The following MTMR3 variants were observed in gnomAD, a reference collection of about 807,000 sequenced individuals.
The protein encoded by MTMR3 is myotubularin related protein 3, also known as phosphatidylinositol-3,5-bisphosphate 3-phosphatase MTMR3.
In MTMR3, 32 loss-of-function variants were observed where a neutral mutation model predicts 132.4. The ratio of observed to expected loss-of-function variants is 0.24; its 90% CI spans 0.18 to 0.32. MTMR3 has a LOEUF of 0.32. Ranked by LOEUF, MTMR3 falls within the 10% of genes least tolerant of loss-of-function variation. The probability of loss-of-function intolerance (pLI) is 1.00; values close to 1 mark genes in which losing one functional copy is unlikely to be tolerated. For missense variants in MTMR3, 1,216 were observed against 1,489.6 expected (o/e 0.82, Z 3.02); for synonymous variants, 556 against 550.3 (o/e 1.01, Z -0.14).
chr22:29,884,966 G>A (rs1260938541), intron 1 of MTMR3, among the ~76,000 whole-genome samples: 1 of 152,044 alleles, frequency 6.6e-6, no homozygotes, highest in Non-Finnish European at 1.5e-5. Flanking sequence ...ACCTCTTTTG[G>A]CTCCAATTAC....
At position 29,970,985 on chromosome 22, in the gene MTMR3, T is replaced by G; in HGVS notation, c.-75T>G. 1 of 489,984 alleles carries G rather than the reference T, an allele frequency of 2.0e-6. No individual in the cohort carries two copies. Among genetic ancestry groups the G allele is most frequent in the African/African-American group, 2.2e-5 (1 of 44,536 alleles). 30.4% of individuals were successfully genotyped at this position (489,984 alleles called of 1,614,324 possible). A position where few individuals can be genotyped will look rare whatever the true frequency, so the allele number is the denominator to read the frequency against. ...TCCCCCCCACCCCCAGACTTCACCATAAGGGAAAGAAGAGAGCCTTGTTGG... is the reference window on the plus strand; with the variant it reads ...TCCCCCCCACCCCCAGACTTCACCAGAAGGGAAAGAAGAGAGCCTTGTTGG... On this transcript the variant is annotated 5_prime_UTR_variant, in exon 3 of 20. Transcript: ENST00000401950.
Position 30,020,007 on chromosome 22 carries a change from C to A in MTMR3, c.2348C>A (p.Pro783His). 6.2e-7 allele frequency: 1 copy of A among 1,614,176 alleles called. No individual in the cohort carries two copies. Among genetic ancestry groups the A allele is most frequent in the African/African-American group, 1.3e-5 (1 of 75,042 alleles). The change falls in exon 17 of 20, where the codon CCC (proline) becomes CAC (histidine). Residue 783 changes from proline to histidine, a missense_variant. Coordinates refer to ENST00000401950, the MANE Select transcript of MTMR3 (RefSeq NM_021090.4). ...SVLLSSLQVP[P>H]RGEDSLEVPV... Reference sequence around the variant, plus strand: ...CTCCTCAGTTCTCTCCAGGTCCCCCCCAGGGGAGAGGATTCCCTGGAGGTC... The same window carrying A: ...CTCCTCAGTTCTCTCCAGGTCCCCCACAGGGGAGAGGATTCCCTGGAGGTC...
chr22:29,883,723 C>T (rs2064602301), intron 1 of MTMR3, among the ~76,000 whole-genome samples: 1 of 152,188 alleles, frequency 6.6e-6, no homozygotes, highest in Non-Finnish European at 1.5e-5. Context: ...CCCACGAACT[C>T]CCGGGAGGTG....
intron 19 of MTMR3, chr22:30,023,474 A>G: frequency 5.0e-6 from 8 of 1,614,150 alleles, no homozygotes; most frequent in Non-Finnish European, 6.8e-6. Context: ...GACCGTGTTG[A>G]TCAAACGTGG....
rs5844883 is a variant in MTMR3, at chr22:29,947,502, TAA to T, written c.-137-9523_-137-9522del. ...AGTTAATTTAGCCAGTATGCTAAAT[TAA>T]AAAAAAAAAACAAAAAACCCTGCCT... On this transcript the variant is annotated intron_variant, in intron 1 of 19. Coordinates refer to ENST00000401950, the MANE Select transcript of MTMR3 (RefSeq NM_021090.4). 7.1e-4 allele frequency among the ~76,000 whole-genome samples: 103 copies of T among 145,088 alleles called. 1 individual carries two copies. The highest frequency in any genetic ancestry group is 1.9e-3 in the Admixed American group (28 of 14,624).
intron 1 of MTMR3, among the ~76,000 whole-genome samples, chr22:29,899,147 A>G (rs1010531468): frequency 6.6e-6 from 1 of 152,210 alleles, no homozygotes; most frequent in Admixed American, 6.5e-5. Flanking sequence ...CTTCAATCCA[A>G]CAAAGTTGTA....
intron 7 of MTMR3, chr22:29,997,449 A>G (rs1377064431): frequency 6.6e-6 from 1 of 152,232 alleles, no homozygotes; most frequent in Non-Finnish European, 1.5e-5. Flanking sequence ...CTGTACCACT[A>G]TATATTAGAG....
At chr22:29,906,813 T>C (rs1344929738) in intron 1 of MTMR3, among the ~76,000 whole-genome samples, 1 of 152,062 alleles carries the variant, frequency 6.6e-6, no homozygotes, top group Non-Finnish European at 1.5e-5. Flanking sequence ...GTGTGGTGGC[T>C]CATGCCTGTA....
In MTMR3 at chr22:30,013,409, T is replaced by C; in HGVS notation, c.1371T>C (p.Ala457=). The stretch of plus-strand genomic sequence containing the variant: ...GGCTGGATTTTGGCCATAAATTTGC[T>C]GACCGGTGTGGTCATGGGGAGAACT... The part of the protein sequence containing the change: ...MEWLDFGHKF[A]DRCGHGENSD... Residue 457 remains alanine, a synonymous_variant, in exon 14 of 20, where the codon GCT becomes GCC. Coordinates refer to ENST00000401950, the MANE Select transcript of MTMR3 (RefSeq NM_021090.4). The C allele has an allele frequency of 6.2e-7, 1 of 1,614,150 alleles. No homozygotes were observed. Among genetic ancestry groups the C allele is most frequent in the Non-Finnish European group, 8.5e-7 (1 of 1,179,986 alleles).
chr22:29,888,768 CTTTTTTT>C (rs3049983), intron 1 of MTMR3, among the ~76,000 whole-genome samples: 14 of 101,884 alleles, frequency 1.4e-4, no homozygotes, highest in African/African-American at 4.1e-4. Context: ...TTAGTTAATA[CTTTTTTT>C]TTTTTTTTTT....
Position 29,970,960 on chromosome 22 carries a change from T to C in MTMR3, c.-84-16T>C, listed in dbSNP as rs2066522163. 4 of 529,846 alleles carry C rather than the reference T, an allele frequency of 7.5e-6. No individual in the cohort carries two copies. The highest frequency in any genetic ancestry group is 1.2e-4 in the East Asian group (2 of 16,294). 32.8% of individuals were successfully genotyped at this position (529,846 alleles called of 1,614,324 possible). A position where few individuals can be genotyped will look rare whatever the true frequency, so the allele number is the denominator to read the frequency against. On this transcript the variant is annotated splice_polypyrimidine_tract_variant and intron_variant, in intron 2 of 19. Transcript: ENST00000401950. ...CTTTTTTTTTTCTTCTTCCCCCTCT[T>C]CCCCCCCACCCCCAGACTTCACCAT...
At chr22:29,972,877 A>G (rs2066562974) in intron 3 of MTMR3, among the ~76,000 whole-genome samples, 1 of 152,150 alleles carries the variant, frequency 6.6e-6, no homozygotes, top group Non-Finnish European at 1.5e-5. Context: ...CATTGGTTAT[A>G]TTCCTTTCTA....
chr22:29,947,502 T>TA (rs5844883), intron 1 of MTMR3, among the ~76,000 whole-genome samples: 55,899 of 144,916 alleles, frequency 0.39, 11,222 homozygotes, highest in East Asian at 0.71. Flanking sequence ...TATGCTAAAT[T>TA]AAAAAAAAAA....
intron 7 of MTMR3, chr22:29,996,704 T>G (rs2067068232): frequency 6.6e-6 from 1 of 151,212 alleles, no homozygotes; most frequent in African/African-American, 2.4e-5. Flanking sequence ...TCCTTGTCTG[T>G]TTTTTTTGTT....
chr22:29,920,788 C>T (rs1370381385), intron 1 of MTMR3, among the ~76,000 whole-genome samples: 1 of 152,044 alleles, frequency 6.6e-6, no homozygotes, highest in African/African-American at 2.4e-5. Context: ...AAGATTGATA[C>T]TGACCAAATA....
At chr22:29,965,524 A>C (rs965621095) in intron 2 of MTMR3, among the ~76,000 whole-genome samples, 3 of 152,120 alleles carry the variant, frequency 2.0e-5, no homozygotes, top group Admixed American at 1.3e-4. Context: ...GTCTCTACTA[A>C]AAATACAAAA....
At position 29,964,678 on chromosome 22, in the gene MTMR3, C is replaced by G. The variant is rs150661100; in HGVS notation, c.-84-6298C>G. 1.6e-3 allele frequency among the ~76,000 whole-genome samples: 242 copies of G among 152,250 alleles called. 1 individual carries two copies. Among genetic ancestry groups the G allele is most frequent in the African/African-American group, 5.6e-3 (231 of 41,540 alleles). On this transcript the variant is annotated intron_variant, in intron 2 of 19. Transcript: ENST00000401950. ...GGCTTTTATCCGTACTGCCTCCATTCTAAATCAAGCCACTAGTCTCTTACT... is the reference window on the plus strand; with the variant it reads ...GGCTTTTATCCGTACTGCCTCCATTGTAAATCAAGCCACTAGTCTCTTACT...
At chr22:29,908,962 T>TTTTTC (rs200894829) in intron 1 of MTMR3, among the ~76,000 whole-genome samples, 12 of 145,826 alleles carry the variant, frequency 8.2e-5, no homozygotes, top group African/African-American at 3.0e-4. Flanking sequence ...AATATGTTAA[T>TTTTTC]TTTTCTTTTC....
chr22:29,909,573 A>G (rs2065167241), intron 1 of MTMR3, among the ~76,000 whole-genome samples: 1 of 152,192 alleles, frequency 6.6e-6, no homozygotes, highest in Non-Finnish European at 1.5e-5. Flanking sequence ...GAGTTGAGTA[A>G]GATTAATGAC....
Sources: gnomAD v4.1 joint callset for allele counts (sites outside exome capture counted in the v4.1 genomes callset) on GRCh38, gnomAD v4.1.1 for gene constraint, MANE v1.5 for transcripts, NCBI Gene and HGNC (gene_info 2026-07-23, HGNC 2026-07-21) for gene names.